Variants in AK3 observed in about 807,000 individuals in gnomAD.
AK3 encodes GTP:AMP phosphotransferase AK3, mitochondrial.
Under a neutral mutation model 23.7 loss-of-function variants are expected in AK3, and 27 were observed. The observed-to-expected ratio is 1.14, with a 90% confidence interval of 0.84 to 1.57. The LOEUF (loss-of-function observed/expected upper bound fraction) is 1.57, where lower values mean the gene tolerates loss of function less well. Among genes scored for constraint, AK3 ranks in the 40% most tolerant of loss-of-function variants. AK3 has a pLI of 0.00. For synonymous variants in AK3, 159 were observed against 116.0 expected (o/e 1.37, Z -2.38); for missense variants, 406 against 285.6 (o/e 1.42, Z -3.04).
At chr9:4,741,264 G>T, upstream of AK3, 2 of 621,430 alleles carry the variant, frequency 3.2e-6, no homozygotes, top group Non-Finnish European at 4.8e-6. Context: ...GACAGCGCGG[G>T]ACCCCGCTGT....
intron 2 of AK3, among the ~76,000 whole-genome samples, chr9:4,720,853 C>G (rs1167347975): frequency 6.6e-6 from 1 of 152,138 alleles, no homozygotes; most frequent in East Asian, 1.9e-4. Context: ...ACGACTAAAA[C>G]TATACCCAGG....
chr9:4,730,924 C>T (rs2130902990), intron 1 of AK3, among the ~76,000 whole-genome samples: 1 of 152,048 alleles, frequency 6.6e-6, no homozygotes, highest in East Asian at 1.9e-4. Context: ...TTTTTATCTT[C>T]TCAGTTATAA....
At chr9:4,728,858 T>TACACACAC (rs1210103111) in intron 1 of AK3, among the ~76,000 whole-genome samples, 740 of 71,780 alleles carry the variant, frequency 0.01, 10 homozygotes, top group African/African-American at 0.029. Flanking sequence ...TATATATATA[T>TACACACAC]ATATATATAC....
intron 1 of AK3, among the ~76,000 whole-genome samples, chr9:4,739,916 A>G (rs1168754431): frequency 6.6e-6 from 1 of 152,116 alleles, no homozygotes; most frequent in Non-Finnish European, 1.5e-5. Context: ...GAAAAAAAGA[A>G]AAAAGGTACA....
intron 4 of AK3, among the ~76,000 whole-genome samples, chr9:4,715,735 A>G (rs1179067108): frequency 4.6e-5 from 7 of 152,196 alleles, no homozygotes; most frequent in East Asian, 1.9e-4. Flanking sequence ...ACGAATCCCA[A>G]CAACCCCTGG....
intron 1 of AK3, among the ~76,000 whole-genome samples, chr9:4,729,918 A>G (rs148998740): frequency 7.4e-4 from 112 of 152,322 alleles, no homozygotes; most frequent in African/African-American, 2.6e-3. Flanking sequence ...ACCAAGAAGT[A>G]GAAACAAGTC....
Position 4,718,529 on chromosome 9 carries a change from A to C in AK3, c.453T>G (p.Asp151Glu). 1 of 1,611,170 alleles carries C rather than the reference A, an allele frequency of 6.2e-7. No homozygotes were observed. Among genetic ancestry groups the C allele is most frequent in the Non-Finnish European group, 8.5e-7 (1 of 1,177,454 alleles). ...GAATGAGAGGCTCCCCAGTCAGGTCATCAATGCCCTAAACAGGATTAGAAG... is the reference window on the plus strand; with the variant it reads ...GAATGAGAGGCTCCCCAGTCAGGTCCTCAATGCCCTAAACAGGATTAGAAG... ...EFNPPKTVGI[D>E]DLTGEPLIQR... Residue 151 changes from aspartate (D) to glutamate (E), a missense_variant, in exon 4 of 5, where the codon GAT becomes GAG. Transcript: ENST00000381809.
chr9:4,733,718 T>C (rs372110806), intron 1 of AK3, among the ~76,000 whole-genome samples: 11 of 152,140 alleles, frequency 7.2e-5, no homozygotes, highest in African/African-American at 2.4e-4. Context: ...AATGCCCACC[T>C]GGGTCCAGCC....
At chr9:4,737,540 C>T (rs1447258246) in intron 1 of AK3, among the ~76,000 whole-genome samples, 1 of 152,064 alleles carries the variant, frequency 6.6e-6, no homozygotes, top group East Asian at 1.9e-4. Flanking sequence ...GCCAATACGG[C>T]AAAACCATCT....
intron 2 of AK3, 23 bp downstream of exon 2, chr9:4,722,479 GTGAA>G (rs1563788503): frequency 1.2e-6 from 2 of 1,613,754 alleles, no homozygotes; most frequent in East Asian, 4.5e-5. Flanking sequence ...TTTTGGGCAG[GTGAA>G]ATGCTCATGA....
chr9:4,733,424 G>A (rs1035834021), intron 1 of AK3, among the ~76,000 whole-genome samples: 5 of 152,176 alleles, frequency 3.3e-5, no homozygotes, highest in South Asian at 4.1e-4. Context: ...GAAGGGGAAC[G>A]GGAGGGCCCC....
intron 1 of AK3, among the ~76,000 whole-genome samples, chr9:4,730,147 A>C (rs1198551121): frequency 1.3e-5 from 2 of 152,208 alleles, no homozygotes; most frequent in Non-Finnish European, 2.9e-5. Context: ...GATGGAAAGA[A>C]GATTAGTAGT....
intron 1 of AK3, among the ~76,000 whole-genome samples, chr9:4,736,113 T>TAA (rs1842287407): frequency 9.7e-6 from 1 of 103,030 alleles, no homozygotes; most frequent in African/African-American, 4.0e-5. Context: ...AGACTCCATC[T>TAA]CAAAAAAAAA....
In AK3 at chr9:4,709,910, CAT is replaced by C. The variant is rs1046609552; in HGVS notation, c.*3064_*3065del. On this transcript the variant is annotated 3_prime_UTR_variant, in exon 5 of 5. Transcript: ENST00000381809. ...GTTGGTTGCAACTATAGCAATTTAACATAATTTGAGATCTATAATTACAATGA... is the reference window on the plus strand; with the variant it reads ...GTTGGTTGCAACTATAGCAATTTAACAATTTGAGATCTATAATTACAATGA... 4.7e-4 allele frequency: 71 copies of C among 152,096 alleles called. No homozygotes were observed. Among genetic ancestry groups the C allele is most frequent in the African/African-American group, 1.6e-3 (65 of 41,488 alleles). 9.4% of individuals were successfully genotyped at this position (152,096 alleles called of 1,614,324 possible).
chr9:4,733,652 C>T (rs407872), intron 1 of AK3, among the ~76,000 whole-genome samples: 12,726 of 152,238 alleles, frequency 0.084, 630 homozygotes, highest in African/African-American at 0.13. Context: ...TCCAGGTCTA[C>T]ACTCCCCTTC....
In AK3 at chr9:4,712,904, G is replaced by A. The variant is rs150502156; in HGVS notation, c.*72C>T. The A allele has an allele frequency of 7.2e-4, 1,093 of 1,522,532 alleles. 6 individuals carry two copies. Among genetic ancestry groups the A allele is most frequent in the Middle Eastern group, 4.8e-3 (20 of 4,150 alleles). 94.3% of individuals were successfully genotyped at this position (1,522,532 alleles called of 1,614,324 possible). A position where few individuals can be genotyped will look rare whatever the true frequency, so the allele number is the denominator to read the frequency against. ...AATTCATACATACTAGAAGTCTTAG[G>A]AAAAGCAGCTTCTAAATGCAAGGAC... On this transcript the variant is annotated 3_prime_UTR_variant, in exon 5 of 5. Coordinates refer to ENST00000381809, the MANE Select transcript of AK3 (RefSeq NM_016282.4).
At chr9:4,713,287 C>G (rs1466212579) in intron 4 of AK3, among the ~76,000 whole-genome samples, 191 bp from the exon 5 acceptor site, 1 of 152,140 alleles carries the variant, frequency 6.6e-6, no homozygotes, top group African/African-American at 2.4e-5. Flanking sequence ...GTTGTGCTCT[C>G]TGGCTTACAA....
At chr9:4,741,329 T>G, upstream of AK3, 37 of 358,800 alleles carry the variant, frequency 1.0e-4, no homozygotes, top group Non-Finnish European at 1.3e-4. Flanking sequence ...CGAGCGCCTG[T>G]TCCCGCCCAG....
At chr9:4,735,332 AATAT>A (rs74184332) in intron 1 of AK3, among the ~76,000 whole-genome samples, 2 of 12,818 alleles carry the variant, frequency 1.6e-4, no homozygotes, top group African/African-American at 2.4e-4. Flanking sequence ...TACATATATA[AATAT>A]ATATATACAT....
Sources: allele counts gnomAD v4.1 joint callset (sites outside exome capture counted in the v4.1 genomes callset), GRCh38; gene constraint gnomAD v4.1.1; transcripts MANE v1.5; gene names NCBI Gene and HGNC (gene_info 2026-07-23, HGNC 2026-07-21).